The following PALM2AKAP2 variants were observed in gnomAD, a reference collection of about 807,000 sequenced individuals.
The protein encoded by PALM2AKAP2 is PALM2 and AKAP2 fusion.
A neutral mutation model predicts 71.5 loss-of-function variants in PALM2AKAP2; 37 were observed. The ratio of observed to expected loss-of-function variants is 0.52; its 90% CI spans 0.40 to 0.68. The LOEUF is 0.68. Ranked by LOEUF, PALM2AKAP2 falls within the 30% of genes least tolerant of loss-of-function variation. PALM2AKAP2 has a pLI of 0.00. For synonymous variants in PALM2AKAP2, 468 were observed against 478.8 expected (o/e 0.98, Z 0.29); for missense variants, 1,224 against 1,191.8 (o/e 1.03, Z -0.40).
intron 1 of PALM2AKAP2, among the ~76,000 whole-genome samples, chr9:109,830,448 A>G (rs964115972): frequency 1.3e-5 from 2 of 152,328 alleles, no homozygotes; most frequent in African/African-American, 4.8e-5. Context: ...AACAAAACAC[A>G]TGTAGGCCTA....
chr9:109,835,601 G>A (rs568806665), intron 1 of PALM2AKAP2, among the ~76,000 whole-genome samples: 16 of 152,280 alleles, frequency 1.1e-4, no homozygotes, highest in South Asian at 2.1e-4. Context: ...CCCAGGAAGC[G>A]CAAGGGGTCA....
At chr9:110,032,552 A>G (rs899138871) in intron 7 of PALM2AKAP2, among the ~76,000 whole-genome samples, 5 of 151,886 alleles carry the variant, frequency 3.3e-5, no homozygotes, top group Admixed American at 1.3e-4. Context: ...TTAGCTGGGC[A>G]TGGTGGCGCG....
At chr9:109,844,569 T>C (rs1264107933) in intron 1 of PALM2AKAP2, among the ~76,000 whole-genome samples, 1 of 152,246 alleles carries the variant, frequency 6.6e-6, no homozygotes, top group Non-Finnish European at 1.5e-5. Context: ...GGAGAGTTTC[T>C]GCACTATGTC....
In PALM2AKAP2 at chr9:109,736,441, AG is replaced by A. The variant is rs1393738522; in HGVS notation, c.6-44046del. Among the ~76,000 whole-genome samples, 15 of 152,328 alleles carry A rather than the reference AG, an allele frequency of 9.8e-5. No homozygotes were observed. In the South Asian group the frequency reaches 3.1e-3, roughly 32 times the overall value. On this transcript the variant is annotated intron_variant, in intron 1 of 6. Coordinates refer to the PALM2AKAP2 transcript ENST00000374531. ...CGAAAGTGAATTCAGACCACCACTC[AG>A]TCACTATTGGCCAAACAATAGTCTA...
intron 1 of PALM2AKAP2, among the ~76,000 whole-genome samples, chr9:109,710,604 A>G (rs1022154996): frequency 2.0e-5 from 3 of 152,206 alleles, no homozygotes; most frequent in African/African-American, 7.2e-5. Context: ...CCTTTTGGGA[A>G]TGATGATTCC....
At chr9:109,750,885 A>G (rs1009870861) in intron 1 of PALM2AKAP2, among the ~76,000 whole-genome samples, 10 of 152,102 alleles carry the variant, frequency 6.6e-5, no homozygotes, top group Admixed American at 5.2e-4. Context: ...CCAGATCTTT[A>G]TGGTTACATT....
rs182824709 is a variant in PALM2AKAP2, at chr9:110,035,161, T to C, written c.582+19122T>C. Reference sequence around the variant, plus strand: ...TTTTTTCTGCCTAAAATTTAAGAAATACTTTACCCAATGTACTAAATATAT... The same window carrying C: ...TTTTTTCTGCCTAAAATTTAAGAAACACTTTACCCAATGTACTAAATATAT... On this transcript the variant is annotated intron_variant, in intron 7 of 9. Transcript: ENST00000302798. Among the ~76,000 whole-genome samples, 388 of 148,490 alleles carry C rather than the reference T, an allele frequency of 2.6e-3. 1 individual carries two copies. Among genetic ancestry groups the C allele is most frequent in the African/African-American group, 9.4e-3 (380 of 40,388 alleles).
chr9:110,135,162 A>AT (rs1374083351), intron 1 of PALM2AKAP2, among the ~76,000 whole-genome samples: 5 of 48,502 alleles, frequency 1.0e-4, no homozygotes, highest in African/African-American at 4.2e-4. Flanking sequence ...CAAAAAAAAA[A>AT]AAATATATAA....
intron 3 of PALM2AKAP2, among the ~76,000 whole-genome samples, chr9:109,908,285 GA>G (rs1313083972): frequency 6.6e-6 from 1 of 152,124 alleles, no homozygotes; most frequent in Non-Finnish European, 1.5e-5. Context: ...CAAGATGTTG[GA>G]AAAGAAAAAT....
At chr9:109,810,981 G>A (rs970910260) in intron 1 of PALM2AKAP2, among the ~76,000 whole-genome samples, 2 of 152,152 alleles carry the variant, frequency 1.3e-5, no homozygotes, top group East Asian at 3.9e-4. Context: ...AAGGTCATCA[G>A]CTGGCAGGGA....
At chr9:109,681,195 C>G (rs1487426370) in intron 1 of PALM2AKAP2, among the ~76,000 whole-genome samples, 2 of 152,054 alleles carry the variant, frequency 1.3e-5, no homozygotes, top group Non-Finnish European at 2.9e-5. Context: ...CTTTTTCTTC[C>G]ACTGGTCTAT....
At chr9:109,969,778 A>G (rs1449440417) in intron 6 of PALM2AKAP2, among the ~76,000 whole-genome samples, 1 of 151,758 alleles carries the variant, frequency 6.6e-6, no homozygotes, top group South Asian at 2.1e-4. Flanking sequence ...GCACTCCCAC[A>G]TCCTCACCCC....
chr9:109,888,772 A>ACAG (rs1830023637), intron 3 of PALM2AKAP2, among the ~76,000 whole-genome samples: 1 of 150,282 alleles, frequency 6.7e-6, no homozygotes, highest in Non-Finnish European at 1.5e-5. Flanking sequence ...CCATCCCCCT[A>ACAG]CAGCAGAGTT....
At chr9:109,874,524 A>G (rs1223340598) in intron 2 of PALM2AKAP2, among the ~76,000 whole-genome samples, 3 of 152,198 alleles carry the variant, frequency 2.0e-5, no homozygotes, top group Non-Finnish European at 4.4e-5. Flanking sequence ...TAAGAGTTCT[A>G]TAAGAATTAT....
At chr9:110,000,668 G>T (rs888844390) in intron 6 of PALM2AKAP2, among the ~76,000 whole-genome samples, 1 of 152,156 alleles carries the variant, frequency 6.6e-6, no homozygotes, top group East Asian at 1.9e-4. Context: ...ATCCTCTCCA[G>T]CACCTGTTGT....
chr9:110,095,278 C>T (rs1304895168), intron 1 of PALM2AKAP2, among the ~76,000 whole-genome samples: 1 of 152,188 alleles, frequency 6.6e-6, no homozygotes, highest in Non-Finnish European at 1.5e-5. Context: ...ACCATGTAAA[C>T]AGGGACATTG....
At chr9:109,669,454 T>A (rs924810292) in intron 1 of PALM2AKAP2, among the ~76,000 whole-genome samples, 9 of 152,142 alleles carry the variant, frequency 5.9e-5, no homozygotes, top group Non-Finnish European at 1.0e-4. Flanking sequence ...TATGTTGGCA[T>A]CATAAAACTA....
At chr9:109,687,012 A>C (rs1372414671) in intron 1 of PALM2AKAP2, among the ~76,000 whole-genome samples, 5 of 152,068 alleles carry the variant, frequency 3.3e-5, no homozygotes, top group Non-Finnish European at 5.9e-5. Context: ...TGAACTCATC[A>C]TTTTTTATGG....
chr9:110,020,337 G>A (rs549109731), intron 7 of PALM2AKAP2, among the ~76,000 whole-genome samples: 1 of 152,114 alleles, frequency 6.6e-6, no homozygotes, highest in Non-Finnish European at 1.5e-5. Context: ...TAAGTTTCCC[G>A]AGGCCTCCCA....
Sources: allele counts gnomAD v4.1 joint callset (sites outside exome capture counted in the v4.1 genomes callset), GRCh38; gene constraint gnomAD v4.1.1; transcripts MANE v1.5; gene names NCBI Gene and HGNC (gene_info 2026-07-23, HGNC 2026-07-21).